The following NUFIP2 variants were observed in gnomAD, a reference collection of about 807,000 sequenced individuals.
NUFIP2 encodes nuclear FMR1 interacting protein 2.
Under a neutral mutation model 56.9 loss-of-function variants are expected in NUFIP2, and 6 were observed. The observed-to-expected ratio is 0.11, with a 90% CI of 0.06 to 0.21. The LOEUF is 0.21. Among genes scored for constraint, NUFIP2 ranks in the 10% least tolerant of loss-of-function variants. The pLI is 1.00. For missense variants in NUFIP2, 828 were observed against 826.8 expected, an observed-to-expected ratio of 1.00 and a Z score of -0.02; for synonymous variants, 321 against 298.2, an observed-to-expected ratio of 1.08 and a Z score of -0.79.
rs2068981708 is a variant in NUFIP2, at chr17:29,258,252, T to TTTGGTTCAATCCAAAAGTGAACCC, written c.*6286_*6287insGGGTTCACTTTTGGATTGAACCAA. 1 of 152,196 alleles carries TTTGGTTCAATCCAAAAGTGAACCC rather than the reference T, an allele frequency of 6.6e-6. No individual in the cohort carries two copies. The highest frequency in any genetic ancestry group is 2.1e-4 in the South Asian group (1 of 4,830). 9.4% of individuals were successfully genotyped at this position (152,196 alleles called of 1,614,324 possible). A position where few individuals can be genotyped will look rare whatever the true frequency, so the allele number is the denominator to read the frequency against. On this transcript the variant is annotated 3_prime_UTR_variant, in exon 4 of 4. Transcript: ENST00000225388. ...ACCTCATTTGGTGTTTCCCACCCAT[T>TTTGGTTCAATCCAAAAGTGAACCC]ATTTTGGGTTCAATCACCTTCAAGT...
At chr17:29,273,954 C>A (rs961500488) in intron 2 of NUFIP2, among the ~76,000 whole-genome samples, 4 of 151,934 alleles carry the variant, frequency 2.6e-5, no homozygotes, top group African/African-American at 9.7e-5. Context: ...AAAAAAAATA[C>A]TACTCACCAG....
At chr17:29,275,594 C>A (rs899194449) in intron 2 of NUFIP2, among the ~76,000 whole-genome samples, 3 of 152,142 alleles carry the variant, frequency 2.0e-5, no homozygotes, top group African/African-American at 7.2e-5. Flanking sequence ...TTTTCTCCAG[C>A]CCAATGTCAT....
intron 1 of NUFIP2, among the ~76,000 whole-genome samples, chr17:29,288,071 TCTCA>T (rs1295133850): frequency 3.9e-5 from 6 of 152,170 alleles, no homozygotes; most frequent in African/African-American, 2.4e-5. Context: ...CAAGACGGAG[TCTCA>T]CTCTGTCGCC....
intron 2 of NUFIP2, among the ~76,000 whole-genome samples, chr17:29,285,275 G>C (rs1181655377): frequency 6.6e-6 from 1 of 151,778 alleles, no homozygotes; most frequent in Non-Finnish European, 1.5e-5. Context: ...ACTCCAGCCT[G>C]GGTGAGAGAG....
chr17:29,280,085 T>C (rs2069131385), intron 2 of NUFIP2, among the ~76,000 whole-genome samples: 1 of 152,196 alleles, frequency 6.6e-6, no homozygotes, highest in Non-Finnish European at 1.5e-5. Context: ...CCCAACGTGC[T>C]GGGATTACAA....
At position 29,286,295 on chromosome 17, in the gene NUFIP2, G is replaced by A. The variant is rs2069173553; in HGVS notation, c.1699C>T (p.Leu567=). Residue 567 remains leucine, a synonymous_variant, in exon 2 of 4, where the codon CTG becomes TTG. Coordinates refer to ENST00000225388, the MANE Select transcript of NUFIP2 (RefSeq NM_020772.3). ...EHPVFPKAYE[L]EKRTSPQVLG... ...ACTTGAGGACTAGTCCGTTTCTCCAGCTCGTAAGCCTTGGGAAACACAGGA... is the reference window on the plus strand; with the variant it reads ...ACTTGAGGACTAGTCCGTTTCTCCAACTCGTAAGCCTTGGGAAACACAGGA... The A allele has an allele frequency of 6.2e-7, 1 of 1,614,180 alleles. No homozygotes were observed. The highest frequency in any genetic ancestry group is 2.2e-5 in the East Asian group (1 of 44,886).
chr17:29,287,934 G>A (rs1442773810), intron 1 of NUFIP2, among the ~76,000 whole-genome samples: 2 of 152,188 alleles, frequency 1.3e-5, no homozygotes, highest in East Asian at 1.9e-4. Flanking sequence ...AGAACTCAGC[G>A]AAGATTCAAA....
chr17:29,284,248 G>C (rs986289781), intron 2 of NUFIP2, among the ~76,000 whole-genome samples: 9 of 152,140 alleles, frequency 5.9e-5, no homozygotes, highest in African/African-American at 2.2e-4. Flanking sequence ...AGAGAAAGGA[G>C]GAAGAGGTAG....
rs1170369618 is a variant in NUFIP2 at position 29,258,170 on chromosome 17, T to G, written c.*6369A>C. The G allele has an allele frequency of 6.6e-6, 1 of 152,186 alleles. No individual in the cohort carries two copies. Among genetic ancestry groups the G allele is most frequent in the African/African-American group, 2.4e-5 (1 of 41,452 alleles). The allele number at this position is 152,186 out of a possible 1,614,324, so 9.4% of individuals were successfully genotyped here. The stretch of plus-strand genomic sequence containing the variant: ...AATTAAAATTTTGGCTTTGCGATAT[T>G]GGCAACATCAAAATATAACCAGATA... On this transcript the variant is annotated 3_prime_UTR_variant, in exon 4 of 4. Coordinates refer to ENST00000225388, the MANE Select transcript of NUFIP2 (RefSeq NM_020772.3).
At chr17:29,275,317 C>A (rs2069101102) in intron 2 of NUFIP2, among the ~76,000 whole-genome samples, 1 of 152,134 alleles carries the variant, frequency 6.6e-6, no homozygotes, top group Admixed American at 6.6e-5. Flanking sequence ...AGCCACCATA[C>A]CTGGCCTCTG....
Position 29,269,504 on chromosome 17 carries a change from ATTTTT to A in NUFIP2, c.2003-1979_2003-1975del, listed in dbSNP as rs545018097. Among the ~76,000 whole-genome samples the A allele has an allele frequency of 3.2e-3, 465 of 143,982 alleles. 3 individuals carry two copies. Among genetic ancestry groups the A allele is most frequent in the African/African-American group, 0.011 (437 of 39,448 alleles). The allele number at this position is 143,982 out of a possible 152,430, so 94.5% of individuals were successfully genotyped here. A position where few individuals can be genotyped will look rare whatever the true frequency, so the allele number is the denominator to read the frequency against. ...CAAAAATTAAAACTGTAAAAACCAA[ATTTTT>A]TTTTTTTTTTGCACAGGGGGACAAG... On this transcript the variant is annotated intron_variant, in intron 2 of 3. Transcript: ENST00000225388.
At position 29,264,457 on chromosome 17, in the gene NUFIP2, T is replaced by G. The variant is rs370091001; in HGVS notation, c.*82A>C. 7.3e-6 allele frequency: 6 copies of G among 823,542 alleles called. No individual in the cohort carries two copies. Among genetic ancestry groups the G allele is most frequent in the Admixed American group, 3.7e-5 (2 of 54,256 alleles). The allele number at this position is 823,542 out of a possible 1,614,324, so 51.0% of individuals were successfully genotyped here. A position where few individuals can be genotyped will look rare whatever the true frequency, so the allele number is the denominator to read the frequency against. Reference sequence around the variant, plus strand: ...TATGGTTCCTCTGCTGCGTTGAAGATCTAGGAGCATAAAAGCCTTGTGTCC... The same window carrying G: ...TATGGTTCCTCTGCTGCGTTGAAGAGCTAGGAGCATAAAAGCCTTGTGTCC... On this transcript the variant is annotated 3_prime_UTR_variant, in exon 4 of 4. Transcript: ENST00000225388.
chr17:29,282,590 T>C (rs1273042372), intron 2 of NUFIP2, among the ~76,000 whole-genome samples: 1 of 151,822 alleles, frequency 6.6e-6, no homozygotes, highest in African/African-American at 2.4e-5. Context: ...AAAACACCTT[T>C]CTTTATATAA....
intron 1 of NUFIP2, among the ~76,000 whole-genome samples, chr17:29,293,334 G>T (rs1313512831): frequency 2.0e-5 from 3 of 151,886 alleles, no homozygotes; most frequent in Non-Finnish European, 4.4e-5. Flanking sequence ...ACTCCTCGCC[G>T]CCTGCAAAAG....
At chr17:29,288,140 C>T (rs2069189322) in intron 1 of NUFIP2, among the ~76,000 whole-genome samples, 2 of 152,232 alleles carry the variant, frequency 1.3e-5, no homozygotes, top group South Asian at 4.1e-4. Flanking sequence ...ACCTCCCGGG[C>T]TCACGCCATT....
chr17:29,279,389 C>T (rs1286414576), intron 2 of NUFIP2, among the ~76,000 whole-genome samples: 1 of 152,058 alleles, frequency 6.6e-6, no homozygotes, highest in African/African-American at 2.4e-5. Flanking sequence ...GTTGAAAATA[C>T]AAAGCAGAAG....
At chr17:29,293,077 C>T (rs1420491275) in intron 1 of NUFIP2, among the ~76,000 whole-genome samples, 1 of 151,600 alleles carries the variant, frequency 6.6e-6, no homozygotes, top group Non-Finnish European at 1.5e-5. Context: ...GGAAGCGGCC[C>T]CGCGAGGAGG....
At chr17:29,284,265 T>C (rs2069157353) in intron 2 of NUFIP2, among the ~76,000 whole-genome samples, 1 of 152,176 alleles carries the variant, frequency 6.6e-6, no homozygotes, top group African/African-American at 2.4e-5. Flanking sequence ...GTAGGAAAGA[T>C]GGGAAGACTG....
intron 2 of NUFIP2, among the ~76,000 whole-genome samples, chr17:29,272,581 CA>C (rs1349768070): frequency 6.6e-6 from 1 of 152,048 alleles, no homozygotes; most frequent in Non-Finnish European, 1.5e-5. Context: ...CCCTGAGAAG[CA>C]AAACAAGTGA....
Sources: gnomAD v4.1 joint callset for allele counts (sites outside exome capture counted in the v4.1 genomes callset) on GRCh38, gnomAD v4.1.1 for gene constraint, MANE v1.5 for transcripts, NCBI Gene and HGNC (gene_info 2026-07-23, HGNC 2026-07-21) for gene names.